Variants in NHSL1 observed in about 807,000 individuals in gnomAD.
NHSL1 encodes NHS like 1.
NHSL1 carries 48 observed loss-of-function variants against 95.0 expected under a neutral mutation model. The ratio of observed to expected loss-of-function variants is 0.51; its 90% confidence interval spans 0.40 to 0.64. The LOEUF (loss-of-function observed/expected upper bound fraction) is 0.64, where lower values mean the gene tolerates loss of function less well. NHSL1 is among the 30% of genes least tolerant of loss of function. The pLI, the probability that NHSL1 is intolerant of heterozygous loss-of-function variation, is 0.00. For missense variants in NHSL1, 1,971 were observed against 2,077.7 expected, an observed-to-expected ratio of 0.95 and a Z score of 1.00; for synonymous variants, 783 against 833.9, an observed-to-expected ratio of 0.94 and a Z score of 1.05.
chr6:138,565,337 G>A (rs1783572631), intron 1 of NHSL1, among the ~76,000 whole-genome samples: 1 of 152,074 alleles, frequency 6.6e-6, no homozygotes, highest in South Asian at 2.1e-4. Context: ...GAACCCCTGA[G>A]TTCAAATGTT....
chr6:138,529,776 G>C (rs1474883033), intron 1 of NHSL1, among the ~76,000 whole-genome samples: 1 of 152,206 alleles, frequency 6.6e-6, no homozygotes, highest in Non-Finnish European at 1.5e-5. Context: ...AGAGAGCTCT[G>C]CTTTTCAGTG....
chr6:138,623,481 C>A (rs1203449021), intron 1 of NHSL1, among the ~76,000 whole-genome samples: 1 of 152,142 alleles, frequency 6.6e-6, no homozygotes, highest in Non-Finnish European at 1.5e-5. Flanking sequence ...AATGCTAAAT[C>A]AAACCAATTA....
At chr6:138,652,201 G>C (rs1256605531) in intron 1 of NHSL1, among the ~76,000 whole-genome samples, 1 of 152,066 alleles carries the variant, frequency 6.6e-6, no homozygotes, top group African/African-American at 2.4e-5. Context: ...CAGCACTGTG[G>C]GAGGCTGAGG....
intron 2 of NHSL1, among the ~76,000 whole-genome samples, chr6:138,493,900 ATTC>A (rs996208846): frequency 5.4e-4 from 82 of 152,262 alleles, no homozygotes; most frequent in Non-Finnish European, 1.8e-4. Flanking sequence ...AACGAATGCC[ATTC>A]TTCTTATTTA....
intron 1 of NHSL1, among the ~76,000 whole-genome samples, chr6:138,529,811 T>C (rs1583362904): frequency 1.3e-5 from 2 of 152,336 alleles, no homozygotes; most frequent in African/African-American, 4.8e-5. Flanking sequence ...TTAGGCCCAC[T>C]TGGATAATCC....
At chr6:138,596,606 T>C (rs2114543573) in intron 1 of NHSL1, among the ~76,000 whole-genome samples, 1 of 152,256 alleles carries the variant, frequency 6.6e-6, no homozygotes, top group East Asian at 1.9e-4. Flanking sequence ...AGTGATACAT[T>C]TGGCAAGGTA....
At chr6:138,515,068 G>A (rs1781403178) in intron 1 of NHSL1, among the ~76,000 whole-genome samples, 1 of 151,994 alleles carries the variant, frequency 6.6e-6, no homozygotes, top group Admixed American at 6.5e-5. Flanking sequence ...TCTACAGTGT[G>A]GATCAGCTGA....
At chr6:138,575,251 C>T (rs1239058093), upstream of NHSL1, among the ~76,000 whole-genome samples, 1 of 152,098 alleles carries the variant, frequency 6.6e-6, no homozygotes, top group Non-Finnish European at 1.5e-5. Context: ...TCCTCAACTC[C>T]CCCTCCATGG....
At chr6:138,453,514 C>T (rs34673919) in intron 3 of NHSL1, among the ~76,000 whole-genome samples, 14,728 of 151,622 alleles carry the variant, frequency 0.097, 1,995 homozygotes, top group African/African-American at 0.31. Context: ...ATCAGCGTCC[C>T]TGGCTAATTT....
At chr6:138,573,913 T>C (rs1308050155), upstream of NHSL1, among the ~76,000 whole-genome samples, 2 of 152,150 alleles carry the variant, frequency 1.3e-5, no homozygotes, top group East Asian at 3.9e-4. Context: ...TTAATTGCAA[T>C]AATATCTCCA....
rs376847578 is a variant in NHSL1, at chr6:138,634,297, C to T, written c.96+58179G>A. On this transcript the variant is annotated intron_variant, in intron 1 of 3. Coordinates refer to the NHSL1 transcript ENST00000491526. ...TGGATAAAAAACAAGACTCAATAAT[C>T]GGTTGCCTCCAAGAAACACAATTCA... Among the ~76,000 whole-genome samples the T allele has an allele frequency of 1.2e-4, 19 of 152,204 alleles. No individual in the cohort carries two copies. The East Asian group carries it at 3.7e-3, about 29-fold the overall frequency.
intron 1 of NHSL1, among the ~76,000 whole-genome samples, chr6:138,637,764 C>T (rs897402070): frequency 3.9e-5 from 6 of 152,046 alleles, no homozygotes; most frequent in Non-Finnish European, 7.4e-5. Flanking sequence ...AGGGAACCCT[C>T]GTACAGTTAG....
At position 138,430,721 on chromosome 6, in the gene NHSL1, C is replaced by T. The variant is rs968967127; in HGVS notation, c.3624G>A (p.Pro1208=). Residue 1208 remains proline (P), a synonymous_variant, in exon 6 of 8, where the codon CCG becomes CCA. Coordinates refer to ENST00000343505, the MANE Select transcript of NHSL1 (RefSeq NM_001144060.2). This position sits in a 1 kb window ranked among gnomAD's most constrained non-coding sequence, Gnocchi z 4.7. The part of the protein sequence containing the change: ...KPKLFLVVPP[P]QKDFAVEPAE... ...CGGGCTCCACTGCAAAATCTTTCTGCGGAGGTGGTACCACCAGGAACAGTT... is the reference window on the plus strand; with the variant it reads ...CGGGCTCCACTGCAAAATCTTTCTGTGGAGGTGGTACCACCAGGAACAGTT... 1.0e-5 allele frequency: 16 copies of T among 1,551,580 alleles called. No individual in the cohort carries two copies. Among genetic ancestry groups the T allele is most frequent in the Middle Eastern group, 1.7e-4 (1 of 6,014 alleles).
In NHSL1 at chr6:138,692,234, C is replaced by T. The variant is rs1013115208; in HGVS notation, c.96+242G>A. ...AGACAAGGGGACTGTCCAATTCCCA[C>T]CCTCCGCGCCCACTCTCTCGAGGTA... On this transcript the variant is annotated intron_variant, in intron 1 of 3. Transcript: ENST00000491526. This position sits in a 1 kb window ranked among gnomAD's most constrained non-coding sequence, Gnocchi z 4.0. 3.1e-5 allele frequency: 14 copies of T among 454,448 alleles called. No individual in the cohort carries two copies. In the Admixed American group the frequency reaches 3.3e-4, roughly 11 times the overall value. 28.2% of individuals were successfully genotyped at this position (454,448 alleles called of 1,614,324 possible).
intron 1 of NHSL1, among the ~76,000 whole-genome samples, chr6:138,685,255 G>C (rs149952424): frequency 6.6e-6 from 1 of 152,124 alleles, no homozygotes; most frequent in African/African-American, 2.4e-5. Context: ...TTTTAAGCAG[G>C]TTATCATTTT....
chr6:138,515,986 G>A (rs1047089334), intron 1 of NHSL1, among the ~76,000 whole-genome samples: 3 of 152,244 alleles, frequency 2.0e-5, no homozygotes, highest in African/African-American at 7.2e-5. Flanking sequence ...ACCACAATGA[G>A]AGGCTGGGAG....
intron 2 of NHSL1, among the ~76,000 whole-genome samples, chr6:138,491,718 C>T (rs1780087663): frequency 6.6e-6 from 1 of 152,214 alleles, no homozygotes; most frequent in Admixed American, 6.5e-5. Context: ...TATTAAAATG[C>T]CATTTTTAAA....
At chr6:138,544,991 T>TC (rs1466379178) in intron 1 of NHSL1, among the ~76,000 whole-genome samples, 1 of 128,770 alleles carries the variant, frequency 7.8e-6, no homozygotes, top group Admixed American at 8.2e-5. Context: ...TTCTTTTTTT[T>TC]TTTTTTTTTT....
At chr6:138,644,663 G>A (rs1784994664) in intron 1 of NHSL1, among the ~76,000 whole-genome samples, 1 of 152,144 alleles carries the variant, frequency 6.6e-6, no homozygotes, top group Non-Finnish European at 1.5e-5. Context: ...TGAAAATCTG[G>A]TTTTTACTTA....
Sources: gnomAD v4.1 joint callset for allele counts (sites outside exome capture counted in the v4.1 genomes callset) on GRCh38, gnomAD v4.1.1 for gene constraint, Gnocchi (gnomAD v3.1) non-coding constraint, MANE v1.5 for transcripts, NCBI Gene and HGNC (gene_info 2026-07-23, HGNC 2026-07-21) for gene names.